CSMD1: variants seen among roughly 807,000 people sequenced by gnomAD.
The protein encoded by CSMD1 is CUB and Sushi multiple domains 1, also known as CUB and sushi domain-containing protein 1.
A neutral mutation model predicts 417.5 loss-of-function variants in CSMD1; 213 were observed. The observed-to-expected ratio is 0.51, with a 90% CI of 0.46 to 0.57. The LOEUF (loss-of-function observed/expected upper bound fraction) is 0.57, where lower values mean the gene tolerates loss of function less well. CSMD1 is among the 20% of genes least tolerant of loss of function. The pLI is 0.00. For missense variants in CSMD1, 6,923 were observed against 4,529.7 expected, an observed-to-expected ratio of 1.53 and a Z score of -15.17; for synonymous variants, 2,862 against 1,736.8, an observed-to-expected ratio of 1.65 and a Z score of -16.11.
chr8:3,344,009 A>G (rs1366475988), intron 22 of CSMD1, among the ~76,000 whole-genome samples: 3 of 152,152 alleles, frequency 2.0e-5, no homozygotes, highest in Non-Finnish European at 4.4e-5. Flanking sequence ...TCATCATGCA[A>G]TAGTAATACA....
Position 4,988,821 on chromosome 8 carries a change from G to C in CSMD1, c.85+5511C>G, listed in dbSNP as rs561969046. 3.3e-5 allele frequency among the ~76,000 whole-genome samples: 5 copies of C among 152,344 alleles called. No individual in the cohort carries two copies. In the South Asian group the frequency reaches 1.0e-3, roughly 32 times the overall value. The stretch of plus-strand genomic sequence containing the variant: ...ACTCTGCATCCAAAGAGGTTGATCT[G>C]CTGGAGGGAAAAAACAAGGTGTGCA... On this transcript the variant is annotated intron_variant, in intron 1 of 69. Coordinates refer to ENST00000635120, the MANE Select transcript of CSMD1 (RefSeq NM_033225.6).
intron 12 of CSMD1, among the ~76,000 whole-genome samples, chr8:3,464,236 G>C (rs180989483): frequency 1.4e-4 from 22 of 152,172 alleles, no homozygotes; most frequent in Admixed American, 9.2e-4. Flanking sequence ...AAATGCTTCA[G>C]AGTCAACTCA....
chr8:3,461,324 T>C (rs538415303), intron 12 of CSMD1, among the ~76,000 whole-genome samples: 4 of 152,300 alleles, frequency 2.6e-5, no homozygotes, highest in African/African-American at 9.6e-5. Flanking sequence ...TCTGAAGGCA[T>C]GGCTGAGGAG....
In CSMD1 at chr8:4,762,354, T is replaced by G. The variant is rs573908434; in HGVS notation, c.86-124796A>C. On this transcript the variant is annotated intron_variant, in intron 1 of 69. Transcript: ENST00000635120. ...AAGTTTATATTTATACCAGTAAACT[T>G]TGTTTACTGCTATACATTTAATAAA... 2.0e-5 allele frequency among the ~76,000 whole-genome samples: 3 copies of G among 152,134 alleles called. No individual in the cohort carries two copies. The East Asian group carries it at 5.8e-4, about 29-fold the overall frequency.
rs542827664 is a variant in CSMD1, at chr8:3,779,874, T to G, written c.819-25832A>C. On this transcript the variant is annotated intron_variant, in intron 5 of 69. Coordinates refer to ENST00000635120, the MANE Select transcript of CSMD1 (RefSeq NM_033225.6). ...AGGTGTTCTTGAATATTTTGAAAATTTAGTTTCATTTATTTTTTTCTCTCA... is the reference window on the plus strand; with the variant it reads ...AGGTGTTCTTGAATATTTTGAAAATGTAGTTTCATTTATTTTTTTCTCTCA... Among the ~76,000 whole-genome samples, 8 of 152,260 alleles carry G rather than the reference T, an allele frequency of 5.3e-5. 1 individual carries two copies. Among genetic ancestry groups the G allele is most frequent in the African/African-American group, 1.9e-4 (8 of 41,534 alleles).
chr8:3,999,623 G>T (rs1335137886), intron 4 of CSMD1, among the ~76,000 whole-genome samples: 1 of 152,182 alleles, frequency 6.6e-6, no homozygotes, highest in Non-Finnish European at 1.5e-5. Flanking sequence ...TGTTCCCGGA[G>T]TTTGGAGTAT....
chr8:4,078,118 A>T (rs192699398), intron 3 of CSMD1, among the ~76,000 whole-genome samples: 1 of 152,198 alleles, frequency 6.6e-6, no homozygotes, highest in African/African-American at 2.4e-5. Context: ...ATTTACATGG[A>T]AAGTGCTATA....
intron 17 of CSMD1, among the ~76,000 whole-genome samples, chr8:3,390,074 G>A (rs1018072005): frequency 6.6e-6 from 1 of 152,034 alleles, no homozygotes; most frequent in Non-Finnish European, 1.5e-5. Context: ...CTGGAATTTG[G>A]CTGGGCACGG....
intron 18 of CSMD1, among the ~76,000 whole-genome samples, chr8:3,372,937 A>C (rs1014718209): frequency 1.3e-5 from 2 of 152,136 alleles, no homozygotes; most frequent in Non-Finnish European, 2.9e-5. Context: ...AGGAGTCCCG[A>C]ATTCAGAAGG....
At chr8:3,396,579 C>A (rs1377166576) in intron 16 of CSMD1, among the ~76,000 whole-genome samples, 198 bp from the exon 17 acceptor site, 1 of 152,090 alleles carries the variant, frequency 6.6e-6, no homozygotes, top group Non-Finnish European at 1.5e-5. Context: ...CAGCTTAAAT[C>A]CCTTTCTCTT....
intron 10 of CSMD1, among the ~76,000 whole-genome samples, chr8:3,496,457 G>A (rs935540501): frequency 2.6e-5 from 4 of 152,204 alleles, no homozygotes; most frequent in Non-Finnish European, 2.9e-5. Context: ...AGCTAGGAGT[G>A]TTTATTTGAA....
At position 3,108,593 on chromosome 8, in the gene CSMD1, A is replaced by C; in HGVS notation, c.6754+10T>G. On this transcript the variant is annotated intron_variant, in intron 44 of 69. Transcript: ENST00000635120. ...CTCAGTCTTAACTAACGGAGTGAAA[A>C]TCAACTGACCGTGGAAATTGAGGAC... The C allele has an allele frequency of 6.2e-7, 1 of 1,613,426 alleles. No individual in the cohort carries two copies. Among genetic ancestry groups the C allele is most frequent in the Non-Finnish European group, 8.5e-7 (1 of 1,179,642 alleles).
chr8:3,452,134 T>G (rs1030858824), intron 12 of CSMD1, among the ~76,000 whole-genome samples: 11 of 152,230 alleles, frequency 7.2e-5, no homozygotes, highest in African/African-American at 2.7e-4. Context: ...TATTGTTTTA[T>G]AAGAATGCTT....
In CSMD1 at chr8:3,253,967, C is replaced by T. The variant is rs564327572; in HGVS notation, c.4154-23736G>A. Among the ~76,000 whole-genome samples, 184 of 152,238 alleles carry T rather than the reference C, an allele frequency of 1.2e-3. 1 individual carries two copies. Among genetic ancestry groups the T allele is most frequent in the African/African-American group, 4.2e-3 (175 of 41,542 alleles). On this transcript the variant is annotated intron_variant, in intron 26 of 69. Coordinates refer to ENST00000635120, the MANE Select transcript of CSMD1 (RefSeq NM_033225.6). ...ATTAGTTGATGCTGTTTCTTCCTAGCCTTGATGGTCTTTACAATTTTGCAT... is the reference window on the plus strand; with the variant it reads ...ATTAGTTGATGCTGTTTCTTCCTAGTCTTGATGGTCTTTACAATTTTGCAT...
chr8:3,665,979 G>A (rs1466448911), intron 7 of CSMD1, among the ~76,000 whole-genome samples: 1 of 152,136 alleles, frequency 6.6e-6, no homozygotes, highest in African/African-American at 2.4e-5. Context: ...CCAGATTCAA[G>A]TGATTTTCCT....
At chr8:4,335,055 C>T (rs1052748234) in intron 3 of CSMD1, among the ~76,000 whole-genome samples, 1 of 152,064 alleles carries the variant, frequency 6.6e-6, no homozygotes, top group Admixed American at 6.6e-5. Flanking sequence ...ATGCACACCA[C>T]CATATCTGAC....
chr8:4,038,234 G>T (rs1337858311), intron 3 of CSMD1, among the ~76,000 whole-genome samples: 1 of 151,618 alleles, frequency 6.6e-6, no homozygotes, highest in Admixed American at 6.6e-5. Flanking sequence ...AATTTTAATG[G>T]GAACAATGTG....
intron 6 of CSMD1, among the ~76,000 whole-genome samples, chr8:3,752,022 G>A (rs995626998): frequency 6.6e-5 from 10 of 152,162 alleles, no homozygotes; most frequent in Non-Finnish European, 1.5e-4. Flanking sequence ...AAGAGAAAGT[G>A]CAGACAGAAT....
intron 5 of CSMD1, among the ~76,000 whole-genome samples, chr8:3,893,157 G>A (rs1807100738): frequency 6.6e-6 from 1 of 151,412 alleles, no homozygotes; most frequent in South Asian, 2.1e-4. Flanking sequence ...AGAGTCTTTA[G>A]CCAAAGCTGC....
Sources: allele counts gnomAD v4.1 joint callset (sites outside exome capture counted in the v4.1 genomes callset), GRCh38; gene constraint gnomAD v4.1.1; transcripts MANE v1.5; gene names NCBI Gene and HGNC (gene_info 2026-07-23, HGNC 2026-07-21).